The following ROBO1 variants were observed in gnomAD, a reference collection of about 807,000 sequenced individuals.
ROBO1 encodes roundabout guidance receptor 1.
Under a neutral mutation model 195.9 loss-of-function variants are expected in ROBO1, and 149 were observed. The observed-to-expected ratio is 0.76, with a 90% confidence interval of 0.67 to 0.87. The LOEUF (loss-of-function observed/expected upper bound fraction) is 0.87. Ranked by LOEUF, ROBO1 falls within the 40% of genes least tolerant of loss-of-function variation. The pLI, the probability that ROBO1 is intolerant of heterozygous loss-of-function variation, is 0.00. For synonymous variants in ROBO1, 816 were observed against 733.2 expected (o/e 1.11, Z -1.82); for missense variants, 1,933 against 2,068.3 (o/e 0.93, Z 1.27).
chr3:78,672,013 G>C (rs1351885422), intron 10 of ROBO1, among the ~76,000 whole-genome samples: 2 of 152,096 alleles, frequency 1.3e-5, no homozygotes, highest in Non-Finnish European at 2.9e-5. Context: ...AAAAGAAAAA[G>C]ATCAGCTCTA....
In ROBO1 at chr3:79,112,665, C is replaced by A. The variant is rs867526248; in HGVS notation, c.172+12791G>T. ...AGCAAACTATCACAAGGACAAAAAA[C>A]CAAACACCGCATGTTCTCACTCATA... is the stretch of plus-strand genomic sequence containing the variant. On this transcript the variant is annotated intron_variant, in intron 3 of 30. Transcript: ENST00000464233. 4.0e-5 allele frequency among the ~76,000 whole-genome samples: 6 copies of A among 151,708 alleles called. 1 individual carries two copies. The South Asian group carries it at 1.0e-3, about 26-fold the overall frequency.
At chr3:79,726,560 T>C (rs1702934302) in intron 1 of ROBO1, among the ~76,000 whole-genome samples, 1 of 152,210 alleles carries the variant, frequency 6.6e-6, no homozygotes, top group African/African-American at 2.4e-5. Context: ...CAGGAAATAT[T>C]AAAATTGATT....
intron 5 of ROBO1, among the ~76,000 whole-genome samples, chr3:78,737,084 TTGCCCAA>T (rs566625053): frequency 1.3e-5 from 2 of 152,290 alleles, no homozygotes; most frequent in South Asian, 4.1e-4. Context: ...GATGATAGCA[TTGCCCAA>T]TAAAGGTACA....
At chr3:79,378,860 G>C (rs999043022) in intron 2 of ROBO1, among the ~76,000 whole-genome samples, 1 of 152,198 alleles carries the variant, frequency 6.6e-6, no homozygotes, top group African/African-American at 2.4e-5. Flanking sequence ...GAAAGGCTGA[G>C]CATCAGTTTC....
At chr3:78,761,388 A>G (rs1040643300) in intron 4 of ROBO1, among the ~76,000 whole-genome samples, 1 of 152,160 alleles carries the variant, frequency 6.6e-6, no homozygotes, top group African/African-American at 2.4e-5. Context: ...AAATAAACTA[A>G]TGTATAAGGT....
At chr3:78,697,540 G>A (rs1001447826) in intron 8 of ROBO1, among the ~76,000 whole-genome samples, 23 of 152,206 alleles carry the variant, frequency 1.5e-4, no homozygotes, top group African/African-American at 5.3e-4. Flanking sequence ...ATAATAGCGT[G>A]AACAACTTAA....
chr3:79,609,516 T>A (rs561046635), intron 1 of ROBO1, among the ~76,000 whole-genome samples: 2 of 152,024 alleles, frequency 1.3e-5, no homozygotes, highest in East Asian at 1.9e-4. Context: ...TTAGCTAAAA[T>A]AACTGACAGT....
At chr3:78,798,080 T>C (rs2084239599) in intron 4 of ROBO1, among the ~76,000 whole-genome samples, 1 of 152,164 alleles carries the variant, frequency 6.6e-6, no homozygotes, top group Admixed American at 6.5e-5. Flanking sequence ...AGAAGATATT[T>C]TATTTAGAAA....
chr3:78,647,080 G>T (rs933950585), intron 20 of ROBO1, among the ~76,000 whole-genome samples: 1 of 151,914 alleles, frequency 6.6e-6, no homozygotes, highest in Non-Finnish European at 1.5e-5. Flanking sequence ...ACAACTACAC[G>T]TACATCTTTT....
chr3:79,320,115 T>C (rs2033913064), intron 2 of ROBO1, among the ~76,000 whole-genome samples: 1 of 152,190 alleles, frequency 6.6e-6, no homozygotes, highest in Non-Finnish European at 1.5e-5. Flanking sequence ...AAATTATTTC[T>C]CACAGTTCTA....
At chr3:78,716,255 G>A (rs543623879) in intron 7 of ROBO1, among the ~76,000 whole-genome samples, 55 of 152,052 alleles carry the variant, frequency 3.6e-4, no homozygotes, top group Non-Finnish European at 6.6e-4. Context: ...CTGCTATGAA[G>A]AAATACCCGA....
intron 1 of ROBO1, among the ~76,000 whole-genome samples, chr3:79,751,328 C>A: frequency 6.6e-6 from 1 of 152,028 alleles, no homozygotes; most frequent in East Asian, 1.9e-4. Context: ...ATTATCATAT[C>A]ATTAAAATGT....
chr3:79,071,740 G>GCACA (rs151014133), intron 3 of ROBO1, among the ~76,000 whole-genome samples: 4,771 of 144,342 alleles, frequency 0.033, 298 homozygotes, highest in African/African-American at 0.13. Context: ...ACACACACAC[G>GCACA]CACACACACA....
In ROBO1 at chr3:78,614,591, G is replaced by C. The variant is rs563903260; in HGVS notation, c.4435+57C>G. On this transcript the variant is annotated intron_variant, in intron 28 of 30. Coordinates refer to ENST00000464233, the MANE Select transcript of ROBO1 (RefSeq NM_002941.4). ...AGTGAATGCATTTGCTAGTCCTAGAGAGGCAGGGTAAATAGGCGAGATTCA... is the reference window on the plus strand; with the variant it reads ...AGTGAATGCATTTGCTAGTCCTAGACAGGCAGGGTAAATAGGCGAGATTCA... 89 of 1,579,896 alleles carry C rather than the reference G, an allele frequency of 5.6e-5. No homozygotes were observed. In the South Asian group the frequency reaches 9.3e-4, roughly 17 times the overall value.
intron 1 of ROBO1, among the ~76,000 whole-genome samples, chr3:79,745,632 G>A (rs1703841016): frequency 6.6e-6 from 1 of 152,056 alleles, no homozygotes; most frequent in South Asian, 2.1e-4. Context: ...TATTTATCCT[G>A]TAAACTCAGA....
intron 1 of ROBO1, among the ~76,000 whole-genome samples, chr3:79,721,463 C>A (rs1702699849): frequency 6.6e-6 from 1 of 152,050 alleles, no homozygotes; most frequent in African/African-American, 2.4e-5. Flanking sequence ...ATTGGTTTTA[C>A]AAATAGGAGG....
intron 2 of ROBO1, among the ~76,000 whole-genome samples, chr3:79,365,686 A>G (rs1207692270): frequency 6.6e-6 from 1 of 152,082 alleles, no homozygotes; most frequent in Non-Finnish European, 1.5e-5. Flanking sequence ...TCACGAGGTC[A>G]GGAGATCGAG....
At chr3:79,605,870 C>T (rs982198799) in intron 1 of ROBO1, among the ~76,000 whole-genome samples, 4 of 151,874 alleles carry the variant, frequency 2.6e-5, no homozygotes, top group Non-Finnish European at 5.9e-5. Context: ...TTCCATCTCT[C>T]CACTCTTCAA....
rs979230683 is a variant in ROBO1 at position 78,799,906 on chromosome 3, TATC to T, written c.500-53009_500-53007del. Among the ~76,000 whole-genome samples the T allele has an allele frequency of 1.5e-3, 223 of 152,154 alleles. 2 individuals carry two copies. The highest frequency in any genetic ancestry group is 2.1e-3 in the Non-Finnish European group (145 of 68,038). On this transcript the variant is annotated intron_variant, in intron 4 of 30. Coordinates refer to ENST00000464233, the MANE Select transcript of ROBO1 (RefSeq NM_002941.4). ...TATTTTCTGCTCAAGGATTCACCCT[TATC>T]ATATTATTATGCCCTGTTGAGCTTG...
Sources: gnomAD v4.1 joint callset for allele counts (sites outside exome capture counted in the v4.1 genomes callset) on GRCh38, gnomAD v4.1.1 for gene constraint, MANE v1.5 for transcripts, NCBI Gene and HGNC (gene_info 2026-07-23, HGNC 2026-07-21) for gene names.